The following NAT8L variants were observed in gnomAD, a reference collection of about 807,000 sequenced individuals.
NAT8L encodes N-acetylaspartate synthetase.
In NAT8L, 6 loss-of-function variants were observed where a neutral mutation model predicts 21.2. The ratio of observed to expected loss-of-function variants is 0.28; its 90% CI spans 0.16 to 0.56. NAT8L has a LOEUF of 0.56. Ranked by LOEUF, NAT8L falls within the 20% of genes least tolerant of loss-of-function variation. The probability of loss-of-function intolerance (pLI) is 0.93; values close to 1 mark genes in which losing one functional copy is unlikely to be tolerated. For missense variants in NAT8L, 331 were observed against 433.3 expected (o/e 0.76, Z 2.10); for synonymous variants, 239 against 204.9 (o/e 1.17, Z -1.42).
chr4:2,062,401 CAGGCCAGCTGGTGGGA>C (rs926721976), intron 2 of NAT8L, among the ~76,000 whole-genome samples: 8 of 152,078 alleles, frequency 5.3e-5, no homozygotes, highest in South Asian at 2.1e-4. Context: ...GGGTGGTGGG[CAGGCCAGCTGGTGGGA>C]GGGATACTGG....
chr4:2,063,630 G>T, intron 2 of NAT8L, 130 bp from the exon 3 acceptor site: 1 of 1,535,594 alleles, frequency 6.5e-7, no homozygotes, highest in Non-Finnish European at 8.9e-7. Context: ...TGCCGGGATT[G>T]GGTGTCCCAC....
At position 2,059,486 on chromosome 4, in the gene NAT8L, CGCTGCCGCGCCGCCCGGCCGGGTGCAT is replaced by C; in HGVS notation, c.-23_4del. 1.0e-6 allele frequency: 1 copy of C among 964,502 alleles called. No homozygotes were observed. The highest frequency in any genetic ancestry group is 1.2e-6 in the Non-Finnish European group (1 of 813,518). The allele number at this position is 964,502 out of a possible 1,614,324, so 59.7% of individuals were successfully genotyped here. ...GCCCGCCGCCGCCCGGCCGCGTCCC[CGCTGCCGCGCCGCCCGGCCGGGTGCAT>C]GCATTGTGGGCCTCCCGACATGGTC... On this transcript the variant is annotated start_lost and 5_prime_UTR_variant, in exon 1 of 3. Coordinates refer to ENST00000423729, the MANE Select transcript of NAT8L (RefSeq NM_178557.4). This position sits in a 1 kb window ranked among gnomAD's most constrained non-coding sequence, Gnocchi z 4.8.
chr4:2,065,216 C>A lies in NAT8L; in HGVS notation c.*1089C>A, dbSNP rs904954930. On this transcript the variant is annotated 3_prime_UTR_variant, in exon 3 of 3. Coordinates refer to ENST00000423729, the MANE Select transcript of NAT8L (RefSeq NM_178557.4). Reference sequence around the variant, plus strand: ...TTGCTGTTGGAAACCTGGAGGGAAACCCTGATTGGATGTCATTTCCTGCCA... The same window carrying A: ...TTGCTGTTGGAAACCTGGAGGGAAAACCTGATTGGATGTCATTTCCTGCCA... 12 of 152,142 alleles carry A rather than the reference C, an allele frequency of 7.9e-5. No homozygotes were observed. The highest frequency in any genetic ancestry group is 7.2e-4 in the Admixed American group (11 of 15,268). 9.4% of individuals were successfully genotyped at this position (152,142 alleles called of 1,614,324 possible).
chr4:2,064,507 C>T lies in NAT8L; in HGVS notation c.*380C>T, dbSNP rs547216464. 1,343 of 156,278 alleles carry T rather than the reference C, an allele frequency of 8.6e-3. 21 individuals are homozygous for T. Among genetic ancestry groups the T allele is most frequent in the African/African-American group, 0.029 (1,218 of 41,608 alleles). The allele number at this position is 156,278 out of a possible 1,614,324, so 9.7% of individuals were successfully genotyped here. A position where few individuals can be genotyped will look rare whatever the true frequency, so the allele number is the denominator to read the frequency against. Reference sequence around the variant, plus strand: ...GCAGATCCCGGGGCCAGGCTCCGGCCCCGCCTGCGGCCCCAGCGCCACTGC... The same window carrying T: ...GCAGATCCCGGGGCCAGGCTCCGGCTCCGCCTGCGGCCCCAGCGCCACTGC... On this transcript the variant is annotated 3_prime_UTR_variant, in exon 3 of 3. Coordinates refer to ENST00000423729, the MANE Select transcript of NAT8L (RefSeq NM_178557.4).
rs1011114342 is a variant in NAT8L, at chr4:2,060,598, G to A, written c.377-400G>A. ...GGGAAGAGGGGGTCCTGGAGCCCGA[G>A]GCTGGAACGTGGGACACCCCCCTTC... On this transcript the variant is annotated intron_variant, in intron 1 of 2. Transcript: ENST00000423729. The surrounding 1 kb of genome is among the most constrained non-coding windows in gnomAD (Gnocchi z 4.7). Among the ~76,000 whole-genome samples the A allele has an allele frequency of 6.6e-5, 10 of 152,120 alleles. No individual in the cohort carries two copies. The highest frequency in any genetic ancestry group is 2.4e-4 in the African/African-American group (10 of 41,434).
chr4:2,066,879 G>C lies in NAT8L; in HGVS notation c.*2752G>C, dbSNP rs890172963. 6.5e-6 allele frequency: 1 copy of C among 152,876 alleles called. No individual in the cohort carries two copies. Among genetic ancestry groups the C allele is most frequent in the Non-Finnish European group, 1.5e-5 (1 of 68,610 alleles). The allele number at this position is 152,876 out of a possible 1,614,324, so 9.5% of individuals were successfully genotyped here. On this transcript the variant is annotated 3_prime_UTR_variant, in exon 3 of 3. Coordinates refer to ENST00000423729, the MANE Select transcript of NAT8L (RefSeq NM_178557.4). The stretch of plus-strand genomic sequence containing the variant: ...CCTCTGTTTTTGGAGTGGGGGGCGT[G>C]GAAGGCGGGAGGGGCTGACAGTGCC...
chr4:2,063,737 C>T (rs745769385), intron 2 of NAT8L, 23 bp from the exon 3 acceptor site: 84 of 1,608,756 alleles, frequency 5.2e-5, no homozygotes, highest in South Asian at 8.8e-5. Context: ...ACCGGGTGTC[C>T]CTGACCGCCC....
chr4:2,064,406 G>T lies in NAT8L; in HGVS notation c.*279G>T, dbSNP rs1729954642. The T allele has an allele frequency of 5.5e-6, 1 of 180,906 alleles. No individual in the cohort carries two copies. The highest frequency in any genetic ancestry group is 1.1e-5 in the Non-Finnish European group (1 of 87,330). The allele number at this position is 180,906 out of a possible 1,614,324, so 11.2% of individuals were successfully genotyped here. ...GAAGAGTGGCATCTTGGACCACCGCGGCTGTCCATGACGCTGCCCTGCCCG... is the reference window on the plus strand; with the variant it reads ...GAAGAGTGGCATCTTGGACCACCGCTGCTGTCCATGACGCTGCCCTGCCCG... On this transcript the variant is annotated 3_prime_UTR_variant, in exon 3 of 3. Coordinates refer to ENST00000423729, the MANE Select transcript of NAT8L (RefSeq NM_178557.4).
At position 2,060,652 on chromosome 4, in the gene NAT8L, G is replaced by T. The variant is rs961891127; in HGVS notation, c.377-346G>T. Among the ~76,000 whole-genome samples, 9 of 149,262 alleles carry T rather than the reference G, an allele frequency of 6.0e-5. No individual in the cohort carries two copies. Among genetic ancestry groups the T allele is most frequent in the Non-Finnish European group, 1.2e-4 (8 of 67,622 alleles). Reference sequence around the variant, plus strand: ...CTCCCCCCTCCCCCCTCCCCCGCGCGGGGCCTGGTCTGCGGGGCAGCTCCC... The same window carrying T: ...CTCCCCCCTCCCCCCTCCCCCGCGCTGGGCCTGGTCTGCGGGGCAGCTCCC... On this transcript the variant is annotated intron_variant, in intron 1 of 2. Transcript: ENST00000423729. The surrounding 1 kb of genome is among the most constrained non-coding windows in gnomAD (Gnocchi z 4.7).
chr4:2,059,723 G>C lies in NAT8L; in HGVS notation c.212G>C (p.Gly71Ala). 5 of 1,142,608 alleles carry C rather than the reference G, an allele frequency of 4.4e-6. No homozygotes were observed. The highest frequency in any genetic ancestry group is 4.3e-6 in the Non-Finnish European group (4 of 932,390). The allele number at this position is 1,142,608 out of a possible 1,614,324, so 70.8% of individuals were successfully genotyped here. ...AQPHGGAGGA[G>A]PPGGRGVCIR... ...CCTCACGGCGGGGCGGGGGGCGCGGGGCCGCCGGGGGGGCGCGGCGTGTGC... is the reference window on the plus strand; with the variant it reads ...CCTCACGGCGGGGCGGGGGGCGCGGCGCCGCCGGGGGGGCGCGGCGTGTGC... The change falls in exon 1 of 3, where the codon GGG becomes GCG. Residue 71 changes from glycine to alanine, a missense_variant. By Grantham distance (60) the Gly-to-Ala change is moderately conservative. Transcript: ENST00000423729. The surrounding 1 kb of genome is among the most constrained non-coding windows in gnomAD (Gnocchi z 4.8).
chr4:2,060,980 C>A lies in NAT8L; in HGVS notation c.377-18C>A. The A allele has an allele frequency of 6.9e-7, 1 of 1,457,328 alleles. No homozygotes were observed. The highest frequency in any genetic ancestry group is 9.4e-7 in the Non-Finnish European group (1 of 1,067,624). The allele number at this position is 1,457,328 out of a possible 1,614,324, so 90.3% of individuals were successfully genotyped here. Reference sequence around the variant, plus strand: ...GGGGACCCCCGCCGCGCCGCTGACCCGCGCCCTCTGCCCCCAGCGCTGTGC... The same window carrying A: ...GGGGACCCCCGCCGCGCCGCTGACCAGCGCCCTCTGCCCCCAGCGCTGTGC... On this transcript the variant is annotated intron_variant, in intron 1 of 2. Transcript: ENST00000423729. The surrounding 1 kb of genome is among the most constrained non-coding windows in gnomAD (Gnocchi z 4.7).
chr4:2,061,308 C>T, intron 2 of NAT8L, 146 bp downstream of exon 2: 3 of 1,445,346 alleles, frequency 2.1e-6, no homozygotes, highest in Non-Finnish European at 2.8e-6. Flanking sequence ...TTCTGGGTGA[C>T]CGAGGCCTCC....
Position 2,064,152 on chromosome 4 carries a change from CCCCGGCCG to C in NAT8L, c.*29_*36del. On this transcript the variant is annotated 3_prime_UTR_variant, in exon 3 of 3. Transcript: ENST00000423729. The stretch of plus-strand genomic sequence containing the variant: ...ACCGCCGCCGCTCGCCCGCCCGCCC[CCCCGGCCG>C]CCCTGTCCGCCTTTGCCCGCCTGCC... 1.3e-6 allele frequency: 2 copies of C among 1,488,962 alleles called. No individual in the cohort carries two copies. 92.2% of individuals were successfully genotyped at this position (1,488,962 alleles called of 1,614,324 possible). A position where few individuals can be genotyped will look rare whatever the true frequency, so the allele number is the denominator to read the frequency against.
rs1167453057 is a variant in NAT8L, at chr4:2,068,901, C to T, written c.*4774C>T. The stretch of plus-strand genomic sequence containing the variant: ...GGGGTTCACCTGCTGCTGTTTGTTC[C>T]CGAAACTGTACTGTGAGCCCACGGC... On this transcript the variant is annotated 3_prime_UTR_variant, in exon 3 of 3. Coordinates refer to ENST00000423729, the MANE Select transcript of NAT8L (RefSeq NM_178557.4). 2 of 152,246 alleles carry T rather than the reference C, an allele frequency of 1.3e-5. No homozygotes were observed. The highest frequency in any genetic ancestry group is 4.8e-5 in the African/African-American group (2 of 41,380). The allele number at this position is 152,246 out of a possible 1,614,324, so 9.4% of individuals were successfully genotyped here.
At position 2,066,877 on chromosome 4, in the gene NAT8L, G is replaced by A. The variant is rs57483195; in HGVS notation, c.*2750G>A. The A allele has an allele frequency of 0.013, 1,983 of 152,988 alleles. 59 individuals are homozygous for A. Among genetic ancestry groups the A allele is most frequent in the African/African-American group, 0.046 (1,901 of 41,576 alleles). 9.5% of individuals were successfully genotyped at this position (152,988 alleles called of 1,614,324 possible). A position where few individuals can be genotyped will look rare whatever the true frequency, so the allele number is the denominator to read the frequency against. On this transcript the variant is annotated 3_prime_UTR_variant, in exon 3 of 3. Transcript: ENST00000423729. Reference sequence around the variant, plus strand: ...AGCCTCTGTTTTTGGAGTGGGGGGCGTGGAAGGCGGGAGGGGCTGACAGTG... The same window carrying A: ...AGCCTCTGTTTTTGGAGTGGGGGGCATGGAAGGCGGGAGGGGCTGACAGTG...
Position 2,065,350 on chromosome 4 carries a change from A to T in NAT8L, c.*1223A>T, listed in dbSNP as rs541778389. 1 of 120,662 alleles carries T rather than the reference A, an allele frequency of 8.3e-6. No individual in the cohort carries two copies. The highest frequency in any genetic ancestry group is 1.6e-5 in the Non-Finnish European group (1 of 62,818). 7.5% of individuals were successfully genotyped at this position (120,662 alleles called of 1,614,324 possible). On this transcript the variant is annotated 3_prime_UTR_variant, in exon 3 of 3. Coordinates refer to ENST00000423729, the MANE Select transcript of NAT8L (RefSeq NM_178557.4). ...GCGCTGCCTTGGGCTGGGTGGGAAGAGGGGTGGCCGCCTCGGCTTCCGCTG... is the reference window on the plus strand; with the variant it reads ...GCGCTGCCTTGGGCTGGGTGGGAAGTGGGGTGGCCGCCTCGGCTTCCGCTG...
At position 2,067,722 on chromosome 4, in the gene NAT8L, T is replaced by G. The variant is rs940335426; in HGVS notation, c.*3595T>G. 2.0e-5 allele frequency: 3 copies of G among 152,238 alleles called. No individual in the cohort carries two copies. Among genetic ancestry groups the G allele is most frequent in the African/African-American group, 4.8e-5 (2 of 41,460 alleles). 9.4% of individuals were successfully genotyped at this position (152,238 alleles called of 1,614,324 possible). A position where few individuals can be genotyped will look rare whatever the true frequency, so the allele number is the denominator to read the frequency against. ...GGGCCCTCGTGGGGCCACCTTCCTG[T>G]CAGTGCCCGAGGGACGGTGGGACAG... is the stretch of plus-strand genomic sequence containing the variant. On this transcript the variant is annotated 3_prime_UTR_variant, in exon 3 of 3. Coordinates refer to ENST00000423729, the MANE Select transcript of NAT8L (RefSeq NM_178557.4).
chr4:2,063,117 C>T (rs994547041), intron 2 of NAT8L, among the ~76,000 whole-genome samples: 6 of 152,244 alleles, frequency 3.9e-5, no homozygotes, highest in East Asian at 3.9e-4. Flanking sequence ...CAGGAGAGGC[C>T]GGGGCCAGAG....
chr4:2,063,014 C>A (rs748578374), intron 2 of NAT8L, among the ~76,000 whole-genome samples: 4 of 152,226 alleles, frequency 2.6e-5, no homozygotes, highest in Non-Finnish European at 5.9e-5. Context: ...TCCCCTCCCC[C>A]ACGACCGCCA....
Sources: allele counts gnomAD v4.1 joint callset (sites outside exome capture counted in the v4.1 genomes callset), GRCh38; gene constraint gnomAD v4.1.1; non-coding constraint Gnocchi (gnomAD v3.1); transcripts MANE v1.5; gene names NCBI Gene and HGNC (gene_info 2026-07-23, HGNC 2026-07-21).